Variants in ABL2 observed in about 807,000 individuals in gnomAD.
ABL2 encodes the protein tyrosine-protein kinase ABL2.
In ABL2, 49 loss-of-function variants were observed where a neutral mutation model predicts 107.7. That is an observed-to-expected ratio of 0.45 (90% confidence interval 0.36 to 0.58). The LOEUF is 0.58. Among genes scored for constraint, ABL2 ranks in the 20% least tolerant of loss-of-function variants. The probability of loss-of-function intolerance (pLI) is 0.00; values close to 1 mark genes in which losing one functional copy is unlikely to be tolerated. For missense variants in ABL2, 1,245 were observed against 1,457.0 expected (o/e 0.85, Z 2.37); for synonymous variants, 549 against 548.6 (o/e 1.00, Z -0.01).
chr1:179,176,720 G>C (rs1205941752), intron 1 of ABL2, among the ~76,000 whole-genome samples: 1 of 4,160 alleles, frequency 2.4e-4, no homozygotes, highest in Non-Finnish European at 7.5e-4. Context: ...TTTCCAGACA[G>C]ATTCTCATTC....
At position 179,108,436 on chromosome 1, in the gene ABL2, G is replaced by A. The variant is rs1215342549; in HGVS notation, c.2831C>T (p.Ala944Val). The A allele has an allele frequency of 1.2e-6, 2 of 1,614,222 alleles. No homozygotes were observed. Among genetic ancestry groups the A allele is most frequent in the Non-Finnish European group, 1.7e-6 (2 of 1,180,042 alleles). ...LISPTLKHTP[A>V]DVQLIGTDSQ... ...GTCTGTGCCAATGAGCTGCACGTCA[G>A]CTGGAGTGTGTTTCAGAGTGGGTGA... The change falls in exon 12 of 12, where the codon GCT (alanine) becomes GTT (valine). Residue 944 changes from alanine (A) to valine (V), a missense_variant. By Grantham distance (64) the Ala-to-Val change is moderately conservative. Transcript: ENST00000502732.
At chr1:179,205,709 T>C (rs1661934284) in intron 1 of ABL2, among the ~76,000 whole-genome samples, 1 of 152,142 alleles carries the variant, frequency 6.6e-6, no homozygotes, top group African/African-American at 2.4e-5. Flanking sequence ...CCACTGAGAT[T>C]AGGGAGGGCG....
At chr1:179,188,936 A>T (rs1460741623) in intron 1 of ABL2, among the ~76,000 whole-genome samples, 1 of 152,238 alleles carries the variant, frequency 6.6e-6, no homozygotes, top group Non-Finnish European at 1.5e-5. Flanking sequence ...GGGAGATTAA[A>T]TGTATACCCC....
At chr1:179,112,267 A>C (rs1654161775) in intron 10 of ABL2, 42 bp downstream of exon 10, 2 of 1,543,902 alleles carry the variant, frequency 1.3e-6, no homozygotes, top group East Asian at 2.3e-5. Context: ...CACCACCACT[A>C]CCCAGAATTA....
At chr1:179,135,273 T>C (rs1557941875) in intron 1 of ABL2, among the ~76,000 whole-genome samples, 1 of 148,502 alleles carries the variant, frequency 6.7e-6, no homozygotes, top group Non-Finnish European at 1.5e-5. Flanking sequence ...CGCCATCCCA[T>C]CTAGGAAGTG....
Position 179,164,306 on chromosome 1 carries a change from T to C in ABL2, c.158-30932A>G, listed in dbSNP as rs115050592. ...CATGAATGTCATATCATAGGACACA[T>C]AGTTATTATTGAATAACTACAGATG... On this transcript the variant is annotated intron_variant, in intron 1 of 11. Coordinates refer to ENST00000502732, the MANE Select transcript of ABL2 (RefSeq NM_007314.4). 5.5e-3 allele frequency among the ~76,000 whole-genome samples: 844 copies of C among 152,348 alleles called. 10 individuals carry two copies. Among genetic ancestry groups the C allele is most frequent in the African/African-American group, 0.019 (799 of 41,572 alleles).
chr1:179,195,867 C>T (rs971135417), intron 1 of ABL2, among the ~76,000 whole-genome samples: 1 of 152,020 alleles, frequency 6.6e-6, no homozygotes, highest in Non-Finnish European at 1.5e-5. Context: ...AATGTGGTTG[C>T]CAAGGGCTAG....
chr1:179,175,567 A>G (rs1475434767), intron 1 of ABL2, among the ~76,000 whole-genome samples: 5 of 152,252 alleles, frequency 3.3e-5, no homozygotes, highest in Non-Finnish European at 7.3e-5. Context: ...TAAATGAAAT[A>G]AATGAGCTAC....
Position 179,115,019 on chromosome 1 carries a change from A to G in ABL2, c.1420T>C (p.Leu474=), listed in dbSNP as rs1654489974. 1.2e-6 allele frequency: 2 copies of G among 1,605,488 alleles called. No homozygotes were observed. The highest frequency in any genetic ancestry group is 1.3e-5 in the African/African-American group (1 of 74,758). ...IKSDVWAFGV[L]LWEIATYGMS... ...CCATAGGTAGCAATTTCCCACAACA[A>G]TACCCCAAAAGCTGCATAAGGAATT... The change falls in exon 9 of 12, where the codon TTG becomes CTG. Residue 474 remains leucine, a synonymous_variant. Coordinates refer to ENST00000502732, the MANE Select transcript of ABL2 (RefSeq NM_007314.4).
chr1:179,121,207 A>T (rs28914535), intron 5 of ABL2, among the ~76,000 whole-genome samples: 7 of 152,348 alleles, frequency 4.6e-5, no homozygotes, highest in African/African-American at 1.7e-4. Context: ...AGACAGGAGG[A>T]ACAAGAACAA....
rs1189441017 is a variant in ABL2, at chr1:179,135,588, C to T, written c.158-2214G>A. Among the ~76,000 whole-genome samples the T allele has an allele frequency of 1.3e-4, 19 of 151,874 alleles. 1 individual carries two copies. The highest frequency in any genetic ancestry group is 5.9e-4 in the Admixed American group (9 of 15,296). ...GTCTCCTCCTGGCAGCCACCTCGTC[C>T]GGGAGGGAGGTGGGGGGGTCAGCCC... On this transcript the variant is annotated intron_variant, in intron 1 of 11. Coordinates refer to ENST00000502732, the MANE Select transcript of ABL2 (RefSeq NM_007314.4).
chr1:179,135,116 A>G (rs1391197715), intron 1 of ABL2, among the ~76,000 whole-genome samples: 4 of 152,176 alleles, frequency 2.6e-5, no homozygotes, highest in Non-Finnish European at 5.9e-5. Context: ...TTGGCCTCCC[A>G]AAGTGCCGAG....
Position 179,107,706 on chromosome 1 carries a change from G to C in ABL2, c.*12C>G. The C allele has an allele frequency of 6.3e-7, 1 of 1,585,256 alleles. No individual in the cohort carries two copies. The highest frequency in any genetic ancestry group is 1.3e-5 in the African/African-American group (1 of 74,386). ...CAGAAATGTGTGCATTTTCCCACCA[G>C]GCTAACAGTGGCTACCTCTGCACCA... On this transcript the variant is annotated 3_prime_UTR_variant, in exon 12 of 12. Transcript: ENST00000502732.
chr1:179,142,570 A>T (rs1657685982), intron 1 of ABL2, among the ~76,000 whole-genome samples: 1 of 152,238 alleles, frequency 6.6e-6, no homozygotes, highest in African/African-American at 2.4e-5. Context: ...TATAAACATT[A>T]TCTTGCCAGA....
intron 1 of ABL2, among the ~76,000 whole-genome samples, chr1:179,141,213 C>A (rs1485949342): frequency 1.3e-5 from 2 of 151,740 alleles, no homozygotes; most frequent in Admixed American, 1.3e-4. Context: ...ATTGTCTGAG[C>A]CTGGGAGGTT....
chr1:179,158,440 A>C (rs1658842992), intron 1 of ABL2, among the ~76,000 whole-genome samples: 1 of 152,210 alleles, frequency 6.6e-6, no homozygotes, highest in Admixed American at 6.5e-5. Flanking sequence ...TAGAGATACA[A>C]TTCTGGAATA....
chr1:179,217,748 TC>T (rs1191714086), intron 1 of ABL2, among the ~76,000 whole-genome samples: 3 of 152,182 alleles, frequency 2.0e-5, no homozygotes, highest in Middle Eastern at 3.4e-3. Context: ...CATTAGACCA[TC>T]ATATATATCT....
chr1:179,214,984 ACTC>A lies in ABL2; in HGVS notation c.157+14254_157+14256del, dbSNP rs1385193875. ...AGACCAGACTGGCTAACATGGTGAAACTCCTTCTCTACTAAAAATACGAAAATT... is the reference window on the plus strand; with the variant it reads ...AGACCAGACTGGCTAACATGGTGAAACTTCTCTACTAAAAATACGAAAATT... On this transcript the variant is annotated intron_variant, in intron 1 of 11. Coordinates refer to ENST00000502732, the MANE Select transcript of ABL2 (RefSeq NM_007314.4). Among the ~76,000 whole-genome samples, 6 of 151,810 alleles carry A rather than the reference ACTC, an allele frequency of 4.0e-5. 1 individual carries two copies. The highest frequency in any genetic ancestry group is 1.5e-4 in the African/African-American group (6 of 41,292).
intron 1 of ABL2, among the ~76,000 whole-genome samples, chr1:179,149,071 C>T (rs1658211101): frequency 6.6e-6 from 1 of 152,154 alleles, no homozygotes; most frequent in Non-Finnish European, 1.5e-5. Flanking sequence ...CTACGTCTCT[C>T]GTACAAGTTA....
Sources: allele counts gnomAD v4.1 joint callset (sites outside exome capture counted in the v4.1 genomes callset), GRCh38; gene constraint gnomAD v4.1.1; transcripts MANE v1.5; gene names NCBI Gene and HGNC (gene_info 2026-07-23, HGNC 2026-07-21).